The following LHFPL3 variants were observed in gnomAD, a reference collection of about 807,000 sequenced individuals.
LHFPL3 encodes the protein LHFPL tetraspan subfamily member 3 protein.
In LHFPL3, 5 loss-of-function variants were observed where a neutral mutation model predicts 19.3. That is an observed-to-expected ratio of 0.26 (90% confidence interval 0.14 to 0.54). The LOEUF (loss-of-function observed/expected upper bound fraction) is 0.54, where lower values mean the gene tolerates loss of function less well. LHFPL3 is among the 20% of genes least tolerant of loss of function. The probability of loss-of-function intolerance (pLI) is 0.94; values close to 1 mark genes in which losing one functional copy is unlikely to be tolerated. For synonymous variants in LHFPL3, 133 were observed against 126.2 expected (o/e 1.05, Z -0.36); for missense variants, 249 against 307.4 (o/e 0.81, Z 1.42).
chr7:104,465,913 T>C (rs992995958), intron 1 of LHFPL3, among the ~76,000 whole-genome samples: 1 of 152,254 alleles, frequency 6.6e-6, no homozygotes, highest in Middle Eastern at 3.2e-3. Flanking sequence ...ATTTCTGTTT[T>C]AATTTCACTG....
chr7:104,549,934 G>C (rs369296774), intron 1 of LHFPL3, among the ~76,000 whole-genome samples: 1 of 152,106 alleles, frequency 6.6e-6, no homozygotes, highest in African/African-American at 2.4e-5. Flanking sequence ...TATTAGTCAG[G>C]GCTCTCTAGA....
At chr7:104,689,632 A>G (rs1456538297) in intron 1 of LHFPL3, among the ~76,000 whole-genome samples, 1 of 152,154 alleles carries the variant, frequency 6.6e-6, no homozygotes, top group Non-Finnish European at 1.5e-5. Context: ...TCCTTCCCCA[A>G]CAAGACCTCC....
At chr7:104,717,027 T>A (rs1405776864) in intron 1 of LHFPL3, among the ~76,000 whole-genome samples, 2 of 152,144 alleles carry the variant, frequency 1.3e-5, no homozygotes, top group African/African-American at 4.8e-5. Flanking sequence ...CATACATGTA[T>A]GGTCAACTAA....
intron 1 of LHFPL3, among the ~76,000 whole-genome samples, chr7:104,707,607 A>G (rs1793215997): frequency 6.6e-6 from 1 of 152,160 alleles, no homozygotes; most frequent in Admixed American, 6.5e-5. Flanking sequence ...TCCCTCTGAC[A>G]CGTGAGGAGT....
intron 2 of LHFPL3, among the ~76,000 whole-genome samples, chr7:104,821,789 A>AAAT (rs1790680426): frequency 6.6e-6 from 1 of 152,198 alleles, no homozygotes; most frequent in Non-Finnish European, 1.5e-5. Context: ...GAAATGAGTA[A>AAAT]AATAACCAAT....
At chr7:104,453,867 C>A (rs1452664339) in intron 1 of LHFPL3, among the ~76,000 whole-genome samples, 1 of 152,176 alleles carries the variant, frequency 6.6e-6, no homozygotes, top group African/African-American at 2.4e-5. Flanking sequence ...TTCCTGCTCC[C>A]CCATCGCCTT....
At chr7:104,643,015 T>C (rs1791865278) in intron 1 of LHFPL3, among the ~76,000 whole-genome samples, 1 of 152,228 alleles carries the variant, frequency 6.6e-6, no homozygotes, top group Admixed American at 6.5e-5. Flanking sequence ...TGGCCAAGAA[T>C]TTTTAAGGTT....
chr7:104,342,004 T>C (rs1483989897), intron 1 of LHFPL3, among the ~76,000 whole-genome samples: 2 of 152,236 alleles, frequency 1.3e-5, no homozygotes, highest in African/African-American at 2.4e-5. Context: ...CTTGCCTTAA[T>C]ATAAAATGCT....
At chr7:104,332,572 C>T (rs188391596) in intron 1 of LHFPL3, among the ~76,000 whole-genome samples, 11 of 152,202 alleles carry the variant, frequency 7.2e-5, no homozygotes, top group South Asian at 6.2e-4. Flanking sequence ...ATGAAACAGA[C>T]TTCTTATGAT....
At chr7:104,388,061 G>A (rs74436882) in intron 1 of LHFPL3, among the ~76,000 whole-genome samples, 2,337 of 152,158 alleles carry the variant, frequency 0.015, 51 homozygotes, top group African/African-American at 0.053. Context: ...TCTTGTGTTA[G>A]TTTTCTTAGC....
intron 1 of LHFPL3, among the ~76,000 whole-genome samples, chr7:104,420,560 T>A (rs1293956398): frequency 3.3e-4 from 48 of 144,862 alleles, no homozygotes; most frequent in African/African-American, 1.1e-3. Context: ...GTGAATTTTT[T>A]TTTTTTTTTT....
chr7:104,358,830 C>T (rs1216427596), intron 1 of LHFPL3, among the ~76,000 whole-genome samples: 1 of 152,194 alleles, frequency 6.6e-6, no homozygotes, highest in Non-Finnish European at 1.5e-5. Context: ...CAGGCTGGAT[C>T]TTTATTGAGA....
intron 2 of LHFPL3, among the ~76,000 whole-genome samples, chr7:104,880,172 G>A (rs1010855066): frequency 6.6e-6 from 1 of 152,144 alleles, no homozygotes; most frequent in East Asian, 1.9e-4. Flanking sequence ...TTGAGTCATG[G>A]GGGTGGATCC....
intron 1 of LHFPL3, among the ~76,000 whole-genome samples, chr7:104,417,787 T>C (rs1007859319): frequency 6.6e-6 from 1 of 152,194 alleles, no homozygotes; most frequent in African/African-American, 2.4e-5. Context: ...GCTTGACTCA[T>C]GGTAAGTACA....
rs543883802 is a variant in LHFPL3 at position 104,838,236 on chromosome 7, TCTAA to T, written c.683-67946_683-67943del. Among the ~76,000 whole-genome samples the T allele has an allele frequency of 4.4e-4, 67 of 152,308 alleles. No individual in the cohort carries two copies. The South Asian group carries it at 7.7e-3, about 17-fold the overall frequency. ...AGTCCTTTGTGCCACACCTGCCCTC[TCTAA>T]CTAATTCTAATCTATCTGGGGAGGG... On this transcript the variant is annotated intron_variant, in intron 2 of 2. Transcript: ENST00000424859.
intron 2 of LHFPL3, among the ~76,000 whole-genome samples, chr7:104,809,924 A>T (rs1790434157): frequency 6.6e-6 from 1 of 152,262 alleles, no homozygotes. Context: ...ATAAGAAAGC[A>T]GTAGAATAAA....
intron 1 of LHFPL3, among the ~76,000 whole-genome samples, chr7:104,589,855 C>T (rs1345150160): frequency 2.0e-5 from 3 of 152,032 alleles, no homozygotes; most frequent in Non-Finnish European, 2.9e-5. Context: ...GTGTATGTGC[C>T]GAGGAATTTA....
At chr7:104,839,131 G>A (rs562780348) in intron 2 of LHFPL3, among the ~76,000 whole-genome samples, 12 of 152,286 alleles carry the variant, frequency 7.9e-5, no homozygotes, top group Admixed American at 5.9e-4. Context: ...GACCGTCAAG[G>A]AGAGAGAAAT....
intron 1 of LHFPL3, among the ~76,000 whole-genome samples, chr7:104,360,256 C>T (rs756000750): frequency 9.2e-5 from 14 of 152,366 alleles, no homozygotes; most frequent in Non-Finnish European, 2.1e-4. Context: ...ACAGCTCATG[C>T]ATAACCTGCT....
Sources: allele counts gnomAD v4.1 joint callset (sites outside exome capture counted in the v4.1 genomes callset), GRCh38; gene constraint gnomAD v4.1.1; transcripts MANE v1.5; gene names NCBI Gene and HGNC (gene_info 2026-07-23, HGNC 2026-07-21).